Variants in PARD3 observed in about 807,000 individuals in gnomAD.
PARD3 encodes par-3 family cell polarity regulator.
Under a neutral mutation model 155.4 loss-of-function variants are expected in PARD3, and 75 were observed. The ratio of observed to expected loss-of-function variants is 0.48; its 90% confidence interval spans 0.40 to 0.58. PARD3 has a LOEUF of 0.58. PARD3 is among the 20% of genes least tolerant of loss of function. The pLI, the probability that PARD3 is intolerant of heterozygous loss-of-function variation, is 0.00. For missense variants in PARD3, 1,642 were observed against 1,721.7 expected (o/e 0.95, Z 0.82); for synonymous variants, 576 against 610.5 (o/e 0.94, Z 0.83).
chr10:34,148,312 C>T (rs1389347704), intron 22 of PARD3, among the ~76,000 whole-genome samples: 1 of 152,168 alleles, frequency 6.6e-6, no homozygotes, highest in Non-Finnish European at 1.5e-5. Flanking sequence ...CATGAAGCTA[C>T]ATTAAGCCTC....
At chr10:34,529,066 A>G (rs1173050726) in intron 2 of PARD3, among the ~76,000 whole-genome samples, 1 of 152,230 alleles carries the variant, frequency 6.6e-6, no homozygotes, top group African/African-American at 2.4e-5. Flanking sequence ...TGATGCATTC[A>G]GTTACAGGGA....
intron 3 of PARD3, among the ~76,000 whole-genome samples, chr10:34,493,080 AG>A (rs1463320584): frequency 6.6e-6 from 1 of 152,194 alleles, no homozygotes; most frequent in African/African-American, 2.4e-5. Flanking sequence ...GAACTTCATT[AG>A]ATCAATGTTA....
At chr10:34,223,942 T>G (rs1296030834) in intron 22 of PARD3, among the ~76,000 whole-genome samples, 1 of 152,212 alleles carries the variant, frequency 6.6e-6, no homozygotes, top group Non-Finnish European at 1.5e-5. Flanking sequence ...AATCCCAGCC[T>G]AATCACTTTT....
intron 20 of PARD3, among the ~76,000 whole-genome samples, chr10:34,297,917 C>T (rs1956981754): frequency 6.6e-6 from 1 of 152,210 alleles, no homozygotes; most frequent in Non-Finnish European, 1.5e-5. Context: ...CCCTTGAAAA[C>T]AGGAGCTGAA....
intron 3 of PARD3, among the ~76,000 whole-genome samples, chr10:34,506,256 T>C (rs1391933367): frequency 1.3e-5 from 2 of 152,192 alleles, no homozygotes; most frequent in African/African-American, 4.8e-5. Flanking sequence ...TAAGTACTCA[T>C]ACATTTTCAG....
intron 1 of PARD3, among the ~76,000 whole-genome samples, chr10:34,758,318 A>G (rs1837003150): frequency 6.6e-6 from 1 of 152,226 alleles, no homozygotes; most frequent in African/African-American, 2.4e-5. Flanking sequence ...CCTTCAAGAA[A>G]GGTAGTATGC....
chr10:34,156,761 C>T (rs948928136), intron 22 of PARD3, among the ~76,000 whole-genome samples: 4 of 152,174 alleles, frequency 2.6e-5, no homozygotes, highest in African/African-American at 9.7e-5. Context: ...AGCTTCCATG[C>T]TCTTCTCATG....
chr10:34,600,852 TC>T (rs1310227419), intron 2 of PARD3, among the ~76,000 whole-genome samples: 1 of 151,916 alleles, frequency 6.6e-6, no homozygotes, highest in Non-Finnish European at 1.5e-5. Context: ...AGTGGCACCA[TC>T]ACGGCTTACT....
At chr10:34,608,219 A>G (rs1297378082) in intron 2 of PARD3, among the ~76,000 whole-genome samples, 2 of 152,216 alleles carry the variant, frequency 1.3e-5, no homozygotes, top group Non-Finnish European at 2.9e-5. Flanking sequence ...AAAACATACT[A>G]GAATTAAAAT....
chr10:34,220,002 C>T (rs1952197626), intron 22 of PARD3, among the ~76,000 whole-genome samples: 1 of 152,168 alleles, frequency 6.6e-6, no homozygotes, highest in South Asian at 2.1e-4. Context: ...AGATAAATGA[C>T]TTGCAAATTA....
chr10:34,542,645 C>T (rs546456826), intron 2 of PARD3, among the ~76,000 whole-genome samples: 9 of 152,210 alleles, frequency 5.9e-5, no homozygotes, highest in African/African-American at 1.9e-4. Context: ...ATAATATTTA[C>T]AAAGTAAGTG....
intron 2 of PARD3, among the ~76,000 whole-genome samples, chr10:34,559,294 GT>G (rs1270116094): frequency 1.3e-5 from 2 of 152,112 alleles, no homozygotes; most frequent in African/African-American, 4.8e-5. Context: ...CAAAACTGTT[GT>G]GATTTTCTAA....
At chr10:34,739,987 C>T (rs1307928429) in intron 1 of PARD3, among the ~76,000 whole-genome samples, 1 of 152,150 alleles carries the variant, frequency 6.6e-6, no homozygotes, top group African/African-American at 2.4e-5. Flanking sequence ...CCCTCCTACA[C>T]ACTGACCCGC....
chr10:34,603,252 C>T (rs2132517859), intron 2 of PARD3, among the ~76,000 whole-genome samples: 1 of 152,290 alleles, frequency 6.6e-6, no homozygotes, highest in South Asian at 2.1e-4. Flanking sequence ...AAATCAGAAC[C>T]ACCTGCCTGG....
At chr10:34,604,700 T>A (rs1181319550) in intron 2 of PARD3, among the ~76,000 whole-genome samples, 1 of 150,450 alleles carries the variant, frequency 6.6e-6, no homozygotes, top group East Asian at 1.9e-4. Context: ...ATTAAAATTA[T>A]AAAAAATAAA....
At chr10:34,375,048 AG>A in intron 10 of PARD3, 46 bp from the exon 11 acceptor site, 2 of 1,348,390 alleles carry the variant, frequency 1.5e-6, no homozygotes, top group Non-Finnish European at 1.0e-6. Context: ...TGGAAACAAC[AG>A]GAAAACACAC....
chr10:34,312,513 T>C, intron 20 of PARD3: 2 of 815,802 alleles, frequency 2.5e-6, no homozygotes, highest in Non-Finnish European at 4.2e-6. Flanking sequence ...TAAAACCTGA[T>C]TATGTTCATT....
At chr10:34,695,478 A>AG (rs1278935706) in intron 2 of PARD3, among the ~76,000 whole-genome samples, 1 of 17,836 alleles carries the variant, frequency 5.6e-5, no homozygotes, top group Non-Finnish European at 1.4e-4. Flanking sequence ...ACTCCATCTC[A>AG]AAAAAAAAAA....
intron 19 of PARD3, among the ~76,000 whole-genome samples, chr10:34,319,964 G>T (rs556344376): frequency 6.6e-6 from 1 of 152,226 alleles, no homozygotes; most frequent in African/African-American, 2.4e-5. Context: ...ATTCCTGCAT[G>T]GAAACCTCCT....
Sources: allele counts gnomAD v4.1 joint callset (sites outside exome capture counted in the v4.1 genomes callset), GRCh38; gene constraint gnomAD v4.1.1; transcripts MANE v1.5; gene names NCBI Gene and HGNC (gene_info 2026-07-23, HGNC 2026-07-21).